Variants in SLAMF7 observed in about 807,000 individuals in gnomAD.
SLAMF7 encodes the protein 19A24 protein.
SLAMF7 carries 26 observed loss-of-function variants against 34.1 expected under a neutral mutation model. The observed-to-expected ratio is 0.76, with a 90% CI of 0.56 to 1.06. The LOEUF (loss-of-function observed/expected upper bound fraction) is 1.06, where lower values mean the gene tolerates loss of function less well. Ranked by LOEUF, SLAMF7 falls within the 50% of genes least tolerant of loss-of-function variation. The pLI, the probability that SLAMF7 is intolerant of heterozygous loss-of-function variation, is 0.00. For missense variants in SLAMF7, 399 were observed against 402.5 expected (o/e 0.99, Z 0.07); for synonymous variants, 171 against 156.4 (o/e 1.09, Z -0.70).
At chr1:160,752,018 C>A in intron 5 of SLAMF7, 168 bp from the exon 6 acceptor site, 1 of 550,102 alleles carries the variant, frequency 1.8e-6, no homozygotes, top group Non-Finnish European at 3.3e-6. Context: ...CAGTCACCAA[C>A]AAGAGAACTT....
intron 2 of SLAMF7, among the ~76,000 whole-genome samples, chr1:160,748,751 C>T (rs748628151): frequency 1.3e-5 from 2 of 152,180 alleles, no homozygotes; most frequent in Non-Finnish European, 2.9e-5. Context: ...TCGCATAGAT[C>T]AAGGTCAAAT....
intron 1 of SLAMF7, among the ~76,000 whole-genome samples, chr1:160,745,649 C>G (rs941691959): frequency 5.3e-5 from 8 of 152,130 alleles, no homozygotes; most frequent in Non-Finnish European, 1.0e-4. Flanking sequence ...AATTATTTAA[C>G]TCAGCCTTTG....
Position 160,748,526 on chromosome 1 carries a change from C to T in SLAMF7, c.376+12C>T, listed in dbSNP as rs746478173. 3 of 1,602,208 alleles carry T rather than the reference C, an allele frequency of 1.9e-6. No individual in the cohort carries two copies. Among genetic ancestry groups the T allele is most frequent in the Non-Finnish European group, 2.6e-6 (3 of 1,171,922 alleles). ...GCTGCATGTCTACGGTGAGCAAAAT[C>T]AGTTCCAATGGTGGATGGCTGCCTT... On this transcript the variant is annotated intron_variant, in intron 2 of 6. Coordinates refer to ENST00000368043, the MANE Select transcript of SLAMF7 (RefSeq NM_021181.5).
At chr1:160,749,795 A>G (rs1426506787) in intron 2 of SLAMF7, 26 bp from the exon 3 acceptor site, 1 of 1,545,610 alleles carries the variant, frequency 6.5e-7, no homozygotes, top group South Asian at 1.2e-5. Context: ...CAGAGTTTCC[A>G]CCTCTGGTTT....
chr1:160,753,388 G>A lies in SLAMF7; in HGVS notation c.*211G>A. The A allele has an allele frequency of 5.5e-6, 3 of 548,490 alleles. No homozygotes were observed. Among genetic ancestry groups the A allele is most frequent in the Admixed American group, 3.3e-5 (1 of 30,724 alleles). 34.0% of individuals were successfully genotyped at this position (548,490 alleles called of 1,614,324 possible). On this transcript the variant is annotated 3_prime_UTR_variant, in exon 7 of 7. Transcript: ENST00000368043. ...CTGAGAAATCTCCTCAAACCCAGAA[G>A]GTTTAATCACTTCATCCCAAAAATG... is the stretch of plus-strand genomic sequence containing the variant.
chr1:160,743,202 A>T (rs1342114717), intron 1 of SLAMF7, among the ~76,000 whole-genome samples: 1 of 152,204 alleles, frequency 6.6e-6, no homozygotes, highest in Non-Finnish European at 1.5e-5. Flanking sequence ...AAGTGAAATT[A>T]GTGGTAAATT....
Position 160,748,485 on chromosome 1 carries a change from C to T in SLAMF7, c.347C>T (p.Ser116Phe), listed in dbSNP as rs140733330. The change falls in exon 2 of 7, where the codon TCC (serine) becomes TTC (phenylalanine). Residue 116 changes from serine to phenylalanine, a missense_variant. Physicochemically the swap from Ser to Phe is radical, Grantham distance 155. Transcript: ENST00000368043. ...GIYSSSLQQP[S>F]TQEYVLHVYE... is the part of the protein sequence containing the mutation. ...TACAGCTCATCACTCCAGCAGCCCT[C>T]CACCCAGGAGTACGTGCTGCATGTC... The T allele has an allele frequency of 3.1e-6, 5 of 1,613,728 alleles. No homozygotes were observed. Among genetic ancestry groups the T allele is most frequent in the Admixed American group, 3.3e-5 (2 of 59,988 alleles).
chr1:160,745,990 G>C (rs1021075692), intron 1 of SLAMF7, among the ~76,000 whole-genome samples: 5 of 152,134 alleles, frequency 3.3e-5, no homozygotes, highest in Non-Finnish European at 7.4e-5. Context: ...TGTCTGTATA[G>C]GAATTTGTCC....
chr1:160,749,077 T>G (rs1664353254), intron 2 of SLAMF7, among the ~76,000 whole-genome samples: 1 of 152,206 alleles, frequency 6.6e-6, no homozygotes, highest in Non-Finnish European at 1.5e-5. Flanking sequence ...GAAGAATAGC[T>G]GCTTCACTCA....
intron 4 of SLAMF7, 89 bp downstream of exon 4, chr1:160,750,512 C>T: frequency 6.7e-7 from 1 of 1,486,406 alleles, no homozygotes; most frequent in Non-Finnish European, 9.1e-7. Flanking sequence ...GTGTGCCAGA[C>T]TTGGCATGAG....
chr1:160,743,952 G>C (rs1368936081), intron 1 of SLAMF7, among the ~76,000 whole-genome samples: 1 of 152,186 alleles, frequency 6.6e-6, no homozygotes, highest in African/African-American at 2.4e-5. Context: ...GCCTCCCAAA[G>C]TGCTGGGATT....
chr1:160,753,216 A>C lies in SLAMF7; in HGVS notation c.*39A>C, dbSNP rs1156603245. The stretch of plus-strand genomic sequence containing the variant: ...CCCCTAAGTCTCTGCTCAAAAAAAA[A>C]ACAATTCTCGGCCCAAAGAAAACAA... On this transcript the variant is annotated 3_prime_UTR_variant, in exon 7 of 7. Transcript: ENST00000368043. 3.9e-6 allele frequency: 6 copies of C among 1,540,754 alleles called. No homozygotes were observed. Among genetic ancestry groups the C allele is most frequent in the Non-Finnish European group, 5.3e-6 (6 of 1,122,214 alleles).
intron 1 of SLAMF7, 29 bp downstream of exon 1, chr1:160,739,385 T>G: frequency 6.3e-7 from 1 of 1,598,826 alleles, no homozygotes; most frequent in Non-Finnish European, 8.6e-7. Context: ...TCTTCCACTC[T>G]CCTGTCTACC....
In SLAMF7 at chr1:160,753,228, C is replaced by T. The variant is rs375527113; in HGVS notation, c.*51C>T. The T allele has an allele frequency of 1.9e-5, 28 of 1,468,824 alleles. No homozygotes were observed. The highest frequency in any genetic ancestry group is 1.2e-5 in the South Asian group (1 of 85,430). The allele number at this position is 1,468,824 out of a possible 1,614,324, so 91.0% of individuals were successfully genotyped here. ...TGCTCAAAAAAAAAACAATTCTCGG[C>T]CCAAAGAAAACAATCAGAAGAATTC... On this transcript the variant is annotated 3_prime_UTR_variant, in exon 7 of 7. Coordinates refer to ENST00000368043, the MANE Select transcript of SLAMF7 (RefSeq NM_021181.5).
In SLAMF7 at chr1:160,750,290, C is replaced by G; in HGVS notation, c.650-14C>G. ...CTTTTCTCCCTTCCCTGTGCCTCCA[C>G]CCATTCTCTGAAGGTGCTGCTGATG... On this transcript the variant is annotated splice_polypyrimidine_tract_variant and intron_variant, in intron 3 of 6. Transcript: ENST00000368043. 6.2e-7 allele frequency: 1 copy of G among 1,613,030 alleles called. No individual in the cohort carries two copies. Among genetic ancestry groups the G allele is most frequent in the Non-Finnish European group, 8.5e-7 (1 of 1,179,540 alleles).
At chr1:160,748,877 G>A (rs189883834) in intron 2 of SLAMF7, among the ~76,000 whole-genome samples, 3 of 152,252 alleles carry the variant, frequency 2.0e-5, no homozygotes, top group Admixed American at 2.0e-4. Context: ...AGATTTTTGG[G>A]CAAAATATCG....
At chr1:160,739,817 A>T (rs2101647750) in intron 1 of SLAMF7, 1 of 155,280 alleles carries the variant, frequency 6.4e-6, no homozygotes, top group Non-Finnish European at 1.4e-5. Flanking sequence ...TATAAATGGA[A>T]AGAATCACTT....
intron 4 of SLAMF7, 134 bp from the exon 5 acceptor site, chr1:160,751,211 C>A: frequency 1.4e-6 from 1 of 692,146 alleles, no homozygotes. Context: ...GTCCTCTATC[C>A]TGAAAACCCT....
At chr1:160,747,686 G>T (rs1664242093) in intron 1 of SLAMF7, among the ~76,000 whole-genome samples, 1 of 152,322 alleles carries the variant, frequency 6.6e-6, no homozygotes, top group African/African-American at 2.4e-5. Flanking sequence ...GCAACAGAGT[G>T]AGACTCTGTC....
Sources: gnomAD v4.1 joint callset for allele counts (sites outside exome capture counted in the v4.1 genomes callset) on GRCh38, gnomAD v4.1.1 for gene constraint, MANE v1.5 for transcripts, NCBI Gene and HGNC (gene_info 2026-07-23, HGNC 2026-07-21) for gene names.